The following PCM1 variants were observed in gnomAD, a reference collection of about 807,000 sequenced individuals.
PCM1 encodes pericentriolar material 1, also known as pericentriolar material 1 protein.
PCM1 carries 157 observed loss-of-function variants against 241.9 expected under a neutral mutation model. The observed-to-expected ratio is 0.65, with a 90% confidence interval of 0.57 to 0.74. PCM1 has a LOEUF of 0.74. Ranked by LOEUF, PCM1 falls within the 30% of genes least tolerant of loss-of-function variation. The pLI is 0.00. For missense variants in PCM1, 3,478 were observed against 2,360.1 expected, an observed-to-expected ratio of 1.47 and a Z score of -9.81; for synonymous variants, 1,085 against 784.9, an observed-to-expected ratio of 1.38 and a Z score of -6.39.
chr8:18,014,444 G>T, intron 35 of PCM1, 140 bp from the exon 36 acceptor site: 1 of 598,492 alleles, frequency 1.7e-6, no homozygotes, highest in Non-Finnish European at 2.6e-6. Flanking sequence ...CCATTGATAA[G>T]GAAAATTTGT....
At chr8:18,024,800 CAAG>C (rs1477716706) in intron 36 of PCM1, among the ~76,000 whole-genome samples, 1 of 151,748 alleles carries the variant, frequency 6.6e-6, no homozygotes, top group South Asian at 2.1e-4. Context: ...AGAAACAGTG[CAAG>C]AAGAAGAAAA....
intron 36 of PCM1, among the ~76,000 whole-genome samples, chr8:18,018,850 GTGTATATA>G (rs1331826661): frequency 5.1e-5 from 2 of 39,374 alleles, no homozygotes; most frequent in Non-Finnish European, 1.2e-4. Flanking sequence ...GTGTGTGTGT[GTGTATATA>G]TATATATATA....
intron 2 of PCM1, chr8:17,927,837 C>G (rs1192146588): frequency 6.9e-6 from 1 of 145,432 alleles, no homozygotes; most frequent in Non-Finnish European, 1.5e-5. Flanking sequence ...GCGTGAGCCA[C>G]CGCGCCCAGC....
rs35041534 is a variant in PCM1 at position 17,967,149 on chromosome 8, A to C, written c.3391A>C (p.Asn1131His). The C allele has an allele frequency of 2.7e-3, 4,388 of 1,595,902 alleles. 9 individuals are homozygous for C. The highest frequency in any genetic ancestry group is 3.5e-3 in the Non-Finnish European group (4,127 of 1,169,982). Residue 1131 changes from asparagine (N) to histidine (H), a missense_variant, in exon 21 of 39, where the codon AAC (asparagine) becomes CAC (histidine). By Grantham distance (68) the Asn-to-His change is moderately conservative (BLOSUM62 1). Coordinates refer to ENST00000325083, the MANE Select transcript of PCM1 (RefSeq NM_006197.4). Reference protein sequence around the residue: ...VNLFNIPGFTNFSSFAPGMNF... With the variant: ...VNLFNIPGFTHFSSFAPGMNF... ...TCTCTTCAATATACCTGGATTTACT[A>C]ACTTTTCATCATTTGCACCAGGTAG...
At chr8:17,969,806 A>T (rs2285308) in intron 22 of PCM1, 58 bp downstream of exon 22, 1 of 1,270,246 alleles carries the variant, frequency 7.9e-7, no homozygotes, top group Non-Finnish European at 1.1e-6. Context: ...ATTACATCTA[A>T]TTATGTGTAA....
In PCM1 at chr8:17,968,055, CA is replaced by C. The variant is rs35339046; in HGVS notation, c.3412+899del. 4.1e-3 allele frequency among the ~76,000 whole-genome samples: 453 copies of C among 111,790 alleles called. 3 individuals carry two copies. Among genetic ancestry groups the C allele is most frequent in the Middle Eastern group, 5.2e-3 (1 of 194 alleles). 73.3% of individuals were successfully genotyped at this position (111,790 alleles called of 152,430 possible). A position where few individuals can be genotyped will look rare whatever the true frequency, so the allele number is the denominator to read the frequency against. Reference sequence around the variant, plus strand: ...AGTGTCAGCAAATCAGTTCCGCCGCCAAAAAAAAAAAAAAGAGTTGATATTT... The same window carrying C: ...AGTGTCAGCAAATCAGTTCCGCCGCCAAAAAAAAAAAAAGAGTTGATATTT... On this transcript the variant is annotated intron_variant, in intron 21 of 38. Coordinates refer to ENST00000325083, the MANE Select transcript of PCM1 (RefSeq NM_006197.4).
chr8:18,016,220 C>CG (rs1439313729), intron 36 of PCM1, among the ~76,000 whole-genome samples: 1 of 152,040 alleles, frequency 6.6e-6, no homozygotes, highest in Non-Finnish European at 1.5e-5. Flanking sequence ...ATCCAGAGGT[C>CG]GAACTAGATG....
intron 1 of PCM1, 60 bp downstream of exon 1, chr8:17,923,248 G>A (rs1032109798): frequency 2.0e-5 from 3 of 152,498 alleles, no homozygotes; most frequent in Non-Finnish European, 4.4e-5. Context: ...AGAGGCGGGA[G>A]AGTAACGGCT....
chr8:18,015,088 C>T (rs980378301), intron 36 of PCM1, among the ~76,000 whole-genome samples: 2 of 152,050 alleles, frequency 1.3e-5, no homozygotes, highest in African/African-American at 4.8e-5. Flanking sequence ...ATCTTAAGTT[C>T]GGCTCTGAAG....
intron 6 of PCM1, among the ~76,000 whole-genome samples, chr8:17,941,818 C>T (rs553252017): frequency 6.4e-4 from 97 of 152,074 alleles, no homozygotes; most frequent in African/African-American, 2.0e-3. Context: ...TAGCCAAAAA[C>T]GTGGATTTCC....
chr8:18,016,632 A>T (rs1219438512), intron 36 of PCM1, among the ~76,000 whole-genome samples: 1 of 152,240 alleles, frequency 6.6e-6, no homozygotes, highest in Non-Finnish European at 1.5e-5. Context: ...AAGACAGATG[A>T]AAAGCTTAAG....
chr8:17,984,673 T>A (rs1210372885), intron 24 of PCM1, among the ~76,000 whole-genome samples: 2 of 151,952 alleles, frequency 1.3e-5, no homozygotes, highest in African/African-American at 4.8e-5. Flanking sequence ...CTTGTATACT[T>A]CTTTGAAAGC....
intron 36 of PCM1, among the ~76,000 whole-genome samples, chr8:18,015,320 C>T (rs1021860752): frequency 2.0e-5 from 3 of 151,126 alleles, no homozygotes; most frequent in Non-Finnish European, 2.9e-5. Context: ...AAGTGAAGCC[C>T]AGGTCTGAAA....
intron 18 of PCM1, among the ~76,000 whole-genome samples, chr8:17,965,728 T>C (rs901141263): frequency 1.7e-4 from 26 of 152,204 alleles, no homozygotes; most frequent in African/African-American, 6.0e-4. Flanking sequence ...ACTTGTGACA[T>C]AATAAATATT....
chr8:17,951,073 G>C (rs2129458360), intron 8 of PCM1, among the ~76,000 whole-genome samples: 1 of 152,268 alleles, frequency 6.6e-6, no homozygotes, highest in East Asian at 1.9e-4. Flanking sequence ...TTAAGACTTT[G>C]CTTTAAATCT....
At chr8:17,965,103 C>G (rs1246472285) in intron 18 of PCM1, among the ~76,000 whole-genome samples, 4 of 152,168 alleles carry the variant, frequency 2.6e-5, no homozygotes, top group African/African-American at 9.7e-5. Flanking sequence ...ACTTACGTTT[C>G]CTCATTTCTT....
At chr8:18,026,089 A>G (rs2094173629) in intron 38 of PCM1, among the ~76,000 whole-genome samples, 1 of 127,048 alleles carries the variant, frequency 7.9e-6, no homozygotes, top group Non-Finnish European at 1.6e-5. Flanking sequence ...GCGTGAACCC[A>G]GGAGGTGGGG....
intron 26 of PCM1, 60 bp from the exon 27 acceptor site, chr8:17,989,799 A>G: frequency 1.7e-6 from 2 of 1,168,530 alleles, no homozygotes; most frequent in Admixed American, 2.4e-5. Flanking sequence ...TCTCTGTTAG[A>G]TTATTAATAT....
At chr8:17,953,315 C>A in intron 9 of PCM1, 129 bp downstream of exon 9, 1 of 464,722 alleles carries the variant, frequency 2.2e-6, no homozygotes, top group East Asian at 3.3e-5. Flanking sequence ...TTAAGACTTG[C>A]ATATGAAAAG....
Sources: gnomAD v4.1 joint callset for allele counts (sites outside exome capture counted in the v4.1 genomes callset) on GRCh38, gnomAD v4.1.1 for gene constraint, MANE v1.5 for transcripts, NCBI Gene and HGNC (gene_info 2026-07-23, HGNC 2026-07-21) for gene names.